Variants in COQ8B observed in about 807,000 individuals in gnomAD.
The protein encoded by COQ8B is atypical kinase COQ8B, mitochondrial.
A neutral mutation model predicts 62.0 loss-of-function variants in COQ8B; 44 were observed. That is an observed-to-expected ratio of 0.71 (90% CI 0.56 to 0.91). The LOEUF (loss-of-function observed/expected upper bound fraction) is 0.91, where lower values mean the gene tolerates loss of function less well. Among genes scored for constraint, COQ8B ranks in the 40% least tolerant of loss-of-function variants. COQ8B has a pLI of 0.00. For missense variants in COQ8B, 649 were observed against 731.6 expected (o/e 0.89, Z 1.30); for synonymous variants, 252 against 289.9 (o/e 0.87, Z 1.33).
At chr19:40,709,380 G>C (rs934727214) in intron 5 of COQ8B, among the ~76,000 whole-genome samples, 1 of 152,100 alleles carries the variant, frequency 6.6e-6, no homozygotes, top group African/African-American at 2.4e-5. Flanking sequence ...ACATTGACTT[G>C]TTGAGGGAAC....
rs2082130438 is a variant in COQ8B, at chr19:40,710,241, C to A, written c.290-105G>T. ...CTCCAAGAATGCTTGTCTCCCAACT[C>A]TTTTTATTTTTTCTTTTGTTTGAGA... On this transcript the variant is annotated intron_variant, in intron 4 of 14. Coordinates refer to ENST00000324464, the MANE Select transcript of COQ8B (RefSeq NM_024876.4). 3.7e-6 allele frequency: 4 copies of A among 1,079,242 alleles called. No homozygotes were observed. The South Asian group carries it at 5.4e-5, about 14-fold the overall frequency. 66.9% of individuals were successfully genotyped at this position (1,079,242 alleles called of 1,614,324 possible). A position where few individuals can be genotyped will look rare whatever the true frequency, so the allele number is the denominator to read the frequency against.
intron 13 of COQ8B, among the ~76,000 whole-genome samples, chr19:40,694,881 C>G (rs1020526287): frequency 6.6e-6 from 1 of 152,220 alleles, no homozygotes; most frequent in Non-Finnish European, 1.5e-5. Context: ...GCGCTTCCCC[C>G]ATCCCAGCCC....
intron 1 of COQ8B, chr19:40,715,775 C>A: frequency 4.2e-6 from 1 of 236,310 alleles, no homozygotes; most frequent in Non-Finnish European, 6.9e-6. Context: ...CACACTCAGC[C>A]AAGATTCCCA....
chr19:40,700,583 T>C, intron 10 of COQ8B, 132 bp from the exon 11 acceptor site: 1 of 1,127,436 alleles, frequency 8.9e-7, no homozygotes, highest in Non-Finnish European at 1.2e-6. Flanking sequence ...GCCCATCTCT[T>C]GCTGCTGTCT....
At chr19:40,710,653 T>G in intron 4 of COQ8B, among the ~76,000 whole-genome samples, 1 of 152,148 alleles carries the variant, frequency 6.6e-6, no homozygotes, top group African/African-American at 2.4e-5. Flanking sequence ...TAACCCTTTC[T>G]CCATGTCTCT....
intron 4 of COQ8B, among the ~76,000 whole-genome samples, chr19:40,713,390 T>C (rs2144717823): frequency 6.6e-6 from 1 of 152,030 alleles, no homozygotes. Context: ...CTACTAAAAA[T>C]ACAAAAATTA....
intron 13 of COQ8B, among the ~76,000 whole-genome samples, chr19:40,693,919 G>C (rs577046422): frequency 7.4e-4 from 113 of 152,284 alleles, no homozygotes; most frequent in African/African-American, 2.6e-3. Flanking sequence ...TGAGGAGGGG[G>C]ATTCGGGATT....
intron 12 of COQ8B, among the ~76,000 whole-genome samples, chr19:40,697,874 A>AGAGAGGGAGAGAGAGAGAGAGAGAGAGT (rs202234463): frequency 1.0e-5 from 1 of 96,974 alleles, no homozygotes; most frequent in Non-Finnish European, 2.3e-5. Flanking sequence ...AGAGAGAGAG[A>AGAGAGGGAGAGAGAGAGAGAGAGAGAGT]GAGTTTCTAC....
Position 40,693,032 on chromosome 19 carries a change from C to T in COQ8B, c.1215G>A (p.Val405=), listed in dbSNP as rs369411609. Residue 405 remains valine (V), a synonymous_variant, in exon 14 of 15, where the codon GTG becomes GTA. Coordinates refer to ENST00000324464, the MANE Select transcript of COQ8B (RefSeq NM_024876.4). The part of the protein sequence containing the change: ...TEFTDHYIEV[V]KAAADGDRDC... Reference sequence around the variant, plus strand: ...CTCTGTCTCCATCAGCTGCAGCCTTCACCACCTGGGGAGACGGGTGGGAGT... The same window carrying T: ...CTCTGTCTCCATCAGCTGCAGCCTTTACCACCTGGGGAGACGGGTGGGAGT... The T allele has an allele frequency of 1.9e-6, 3 of 1,613,738 alleles. No individual in the cohort carries two copies. The highest frequency in any genetic ancestry group is 2.7e-5 in the African/African-American group (2 of 74,906).
chr19:40,696,535 C>T (rs888596046), intron 12 of COQ8B, among the ~76,000 whole-genome samples: 6 of 151,756 alleles, frequency 4.0e-5, no homozygotes, highest in Non-Finnish European at 7.4e-5. Context: ...TGCGGTGGTG[C>T]GTGCCTGTAA....
rs1266378528 is a variant in COQ8B at position 40,714,639 on chromosome 19, G to A, written c.-3-4C>T. 1 of 1,587,360 alleles carries A rather than the reference G, an allele frequency of 6.3e-7. No individual in the cohort carries two copies. The highest frequency in any genetic ancestry group is 8.6e-7 in the Non-Finnish European group (1 of 1,168,848). On this transcript the variant is annotated splice_polypyrimidine_tract_variant and splice_region_variant and intron_variant, in intron 1 of 14. Coordinates refer to ENST00000324464, the MANE Select transcript of COQ8B (RefSeq NM_024876.4). Reference sequence around the variant, plus strand: ...CCCCCACCTTCAGCCACATTGCCTGGAGGAGAAGAGGAGGGATTATTCAGG... The same window carrying A: ...CCCCCACCTTCAGCCACATTGCCTGAAGGAGAAGAGGAGGGATTATTCAGG...
chr19:40,693,466 C>A (rs917662769), intron 13 of COQ8B, among the ~76,000 whole-genome samples: 2 of 152,196 alleles, frequency 1.3e-5, no homozygotes, highest in Admixed American at 1.3e-4. Context: ...TGGGTTTAGT[C>A]GCACGGGGCA....
At chr19:40,711,426 G>T (rs950026537) in intron 4 of COQ8B, among the ~76,000 whole-genome samples, 1 of 152,070 alleles carries the variant, frequency 6.6e-6, no homozygotes, top group African/African-American at 2.4e-5. Flanking sequence ...GTCTCACTAT[G>T]TTGCCCAGGC....
Position 40,714,572 on chromosome 19 carries a change from CAACA to C in COQ8B, c.57_60del (p.Trp22LeufsTer53), listed in dbSNP as rs1208224408. The C allele has an allele frequency of 1.2e-5, 20 of 1,613,424 alleles. No individual in the cohort carries two copies. The highest frequency in any genetic ancestry group is 1.5e-5 in the Non-Finnish European group (18 of 1,179,840). On this transcript the variant is annotated frameshift_variant, in exon 2 of 15. Coordinates refer to ENST00000324464, the MANE Select transcript of COQ8B (RefSeq NM_024876.4). LOFTEE classifies it high-confidence loss of function. ...GGCCCCAGGGCCCCACAAGGCCAAC[CAACA>C]GTCTGGCCCAGCTGTCCACCGGTCC...
chr19:40,714,265 G>C lies in COQ8B; in HGVS notation c.222+13C>G. ...TTCGTGGGGTGTTGCTGGGTGGGTG[G>C]GGGTAATGATACCTGGGGCCGGGGT... On this transcript the variant is annotated intron_variant, in intron 3 of 14. Coordinates refer to ENST00000324464, the MANE Select transcript of COQ8B (RefSeq NM_024876.4). 1 of 1,609,776 alleles carries C rather than the reference G, an allele frequency of 6.2e-7. No homozygotes were observed. Among genetic ancestry groups the C allele is most frequent in the Non-Finnish European group, 8.5e-7 (1 of 1,177,594 alleles).
chr19:40,707,416 C>T (rs548482063), intron 5 of COQ8B, among the ~76,000 whole-genome samples: 19 of 151,722 alleles, frequency 1.3e-4, no homozygotes, highest in African/African-American at 3.6e-4. Context: ...TGGAATCATT[C>T]AATATGTGGT....
At position 40,705,403 on chromosome 19, in the gene COQ8B, T is replaced by C; in HGVS notation, c.412A>G (p.Asn138Asp). The part of the protein sequence containing the change: ...LDSSPFLSEA[N>D]AERIVQTLCT... ...AAGGTCTGCACAATCCGCTCGGCAT[T>C]GGCCTCCGACAGGAAGGGGCTGGAG... The change falls in exon 6 of 15, where the codon AAT (asparagine) becomes GAT (aspartate). Residue 138 changes from asparagine (N) to aspartate (D), a missense_variant. By Grantham distance (23) the Asn-to-Asp change is conservative. Transcript: ENST00000324464. The C allele has an allele frequency of 1.9e-6, 3 of 1,594,230 alleles. No individual in the cohort carries two copies. The highest frequency in any genetic ancestry group is 2.6e-6 in the Non-Finnish European group (3 of 1,164,528).
intron 9 of COQ8B, 60 bp from the exon 10 acceptor site, chr19:40,702,753 TC>T (rs2082070305): frequency 6.7e-7 from 1 of 1,495,572 alleles, no homozygotes; most frequent in Non-Finnish European, 9.2e-7. Context: ...GGATGCCTTC[TC>T]CTGCCAACCC....
intron 12 of COQ8B, among the ~76,000 whole-genome samples, chr19:40,697,569 G>C (rs2082023657): frequency 6.6e-6 from 1 of 151,926 alleles, no homozygotes; most frequent in African/African-American, 2.4e-5. Context: ...GGCTGAGGGG[G>C]GCGGATCACC....
Sources: allele counts gnomAD v4.1 joint callset (sites outside exome capture counted in the v4.1 genomes callset), GRCh38; gene constraint gnomAD v4.1.1; transcripts MANE v1.5; gene names NCBI Gene and HGNC (gene_info 2026-07-23, HGNC 2026-07-21).